SLC24A3: variants seen among roughly 807,000 people sequenced by gnomAD.
SLC24A3 encodes solute carrier family 24 member 3, also known as sodium/potassium/calcium exchanger 3.
A neutral mutation model predicts 75.8 loss-of-function variants in SLC24A3; 28 were observed. The observed-to-expected ratio is 0.37, with a 90% CI of 0.27 to 0.51. The LOEUF is 0.51. Ranked by LOEUF, SLC24A3 falls within the 20% of genes least tolerant of loss-of-function variation. The pLI is 0.94. For missense variants in SLC24A3, 663 were observed against 847.8 expected (o/e 0.78, Z 2.71); for synonymous variants, 372 against 334.1 (o/e 1.11, Z -1.24).
At position 19,270,985 on chromosome 20, in the gene SLC24A3, C is replaced by T. The variant is rs116522385; in HGVS notation, c.143-9974C>T. On this transcript the variant is annotated intron_variant, in intron 1 of 16. Transcript: ENST00000328041. ...GAAGTCCAGCAAGGGCCAGAGGAAG[C>T]GGAGCCTGAGGAGCAGGTGTTGCCT... Among the ~76,000 whole-genome samples the T allele has an allele frequency of 4.1e-3, 625 of 152,258 alleles. 1 individual carries two copies. Among genetic ancestry groups the T allele is most frequent in the African/African-American group, 0.01 (421 of 41,566 alleles).
chr20:19,565,931 A>AGAT (rs1358706189), intron 3 of SLC24A3, among the ~76,000 whole-genome samples: 4 of 152,180 alleles, frequency 2.6e-5, no homozygotes, highest in African/African-American at 9.7e-5. Flanking sequence ...TGTGAATCAG[A>AGAT]GATTCAGCAG....
chr20:19,517,447 A>G (rs1314457337), intron 3 of SLC24A3, among the ~76,000 whole-genome samples: 2 of 152,168 alleles, frequency 1.3e-5, no homozygotes, highest in Non-Finnish European at 2.9e-5. Context: ...TGAGCCCAGG[A>G]TACCCAGGAA....
chr20:19,322,825 C>G (rs1984745144), intron 2 of SLC24A3, among the ~76,000 whole-genome samples: 1 of 152,138 alleles, frequency 6.6e-6, no homozygotes, highest in South Asian at 2.1e-4. Flanking sequence ...ATGAACTCTT[C>G]TTATCAGCTG....
chr20:19,695,086 A>G (rs1048869199), intron 13 of SLC24A3, among the ~76,000 whole-genome samples: 19 of 152,190 alleles, frequency 1.2e-4, no homozygotes, highest in African/African-American at 4.1e-4. Flanking sequence ...AATTCTGTTC[A>G]GTTCTGCTCA....
intron 2 of SLC24A3, among the ~76,000 whole-genome samples, chr20:19,347,716 C>T (rs1029139466): frequency 5.3e-5 from 8 of 152,146 alleles, no homozygotes; most frequent in Non-Finnish European, 1.0e-4. Flanking sequence ...ATGGAAAATA[C>T]TGTGTTTGAG....
intron 1 of SLC24A3, among the ~76,000 whole-genome samples, chr20:19,280,471 A>C (rs1224959184): frequency 6.6e-6 from 1 of 152,090 alleles, no homozygotes; most frequent in African/African-American, 2.4e-5. Context: ...GCCAGCTCTT[A>C]TTGACTCAGT....
Position 19,367,124 on chromosome 20 carries a change from T to C in SLC24A3, c.271+86037T>C, listed in dbSNP as rs183079464. On this transcript the variant is annotated intron_variant, in intron 2 of 16. Transcript: ENST00000328041. ...AGAAGAACTGAATTTTGAATTGTAG[T>C]TAATTTAACTTTAATTCACATTTAC... Among the ~76,000 whole-genome samples, 75 of 152,368 alleles carry C rather than the reference T, an allele frequency of 4.9e-4. 1 individual carries two copies. The highest frequency in any genetic ancestry group is 1.8e-3 in the African/African-American group (74 of 41,584).
chr20:19,461,529 C>CTTTTTTTTTTTTTTTTTTTTTTT (rs11468628), intron 2 of SLC24A3, among the ~76,000 whole-genome samples: 3 of 101,426 alleles, frequency 3.0e-5, no homozygotes, highest in East Asian at 2.8e-4. Flanking sequence ...TCTTTTTTTT[C>CTTTTTTTTTTTTTTTTTTTTTTT]TTTTTTTTTT....
chr20:19,643,562 C>G (rs1466461440), intron 6 of SLC24A3, among the ~76,000 whole-genome samples: 1 of 152,190 alleles, frequency 6.6e-6, no homozygotes. Flanking sequence ...GATTCTATTA[C>G]TGGCTCTCCT....
At chr20:19,386,955 C>T (rs890399667) in intron 2 of SLC24A3, among the ~76,000 whole-genome samples, 1 of 152,038 alleles carries the variant, frequency 6.6e-6, no homozygotes, top group Admixed American at 6.5e-5. Flanking sequence ...TAAAGTTCAC[C>T]CATGAAGCTA....
chr20:19,258,095 G>C (rs939202045), intron 1 of SLC24A3, among the ~76,000 whole-genome samples: 3 of 152,178 alleles, frequency 2.0e-5, no homozygotes, highest in Non-Finnish European at 1.5e-5. Flanking sequence ...TTCCTGTTTG[G>C]AATGCCGTTC....
chr20:19,232,956 C>A (rs146907976), intron 1 of SLC24A3, among the ~76,000 whole-genome samples: 3 of 152,180 alleles, frequency 2.0e-5, no homozygotes, highest in Non-Finnish European at 4.4e-5. Context: ...GAAAATGAAT[C>A]GACTTGGAAA....
At chr20:19,688,843 TATAAC>T (rs1309152914) in intron 12 of SLC24A3, among the ~76,000 whole-genome samples, 4 of 152,324 alleles carry the variant, frequency 2.6e-5, no homozygotes, top group East Asian at 1.9e-4. Flanking sequence ...TTAAGATTGA[TATAAC>T]ATAGTGTTAA....
chr20:19,459,349 G>A (rs6106080), intron 2 of SLC24A3, among the ~76,000 whole-genome samples: 11,810 of 152,094 alleles, frequency 0.078, 879 homozygotes, highest in African/African-American at 0.2. Context: ...TGCAATCTAA[G>A]CCTCCATCAG....
intron 1 of SLC24A3, among the ~76,000 whole-genome samples, chr20:19,224,548 A>AT (rs544722341): frequency 1.1e-3 from 165 of 152,012 alleles, no homozygotes; most frequent in African/African-American, 3.8e-3. Flanking sequence ...TTTGATAATG[A>AT]TTTTTTTTCT....
At chr20:19,492,434 T>G (rs1988222573) in intron 2 of SLC24A3, among the ~76,000 whole-genome samples, 1 of 152,224 alleles carries the variant, frequency 6.6e-6, no homozygotes, top group Non-Finnish European at 1.5e-5. Flanking sequence ...AGACAACGCA[T>G]CTGTAGCCTG....
At chr20:19,634,762 G>A (rs1324848004) in intron 6 of SLC24A3, among the ~76,000 whole-genome samples, 1 of 152,012 alleles carries the variant, frequency 6.6e-6, no homozygotes, top group Non-Finnish European at 1.5e-5. Flanking sequence ...TGATTGACTG[G>A]AAGCCGGGGG....
At chr20:19,653,181 C>G (rs926793987) in intron 6 of SLC24A3, among the ~76,000 whole-genome samples, 1 of 152,210 alleles carries the variant, frequency 6.6e-6, no homozygotes, top group African/African-American at 2.4e-5. Flanking sequence ...ACCCACAGCT[C>G]TTTCCCCTCT....
Position 19,685,359 on chromosome 20 carries a change from C to T in SLC24A3, c.1322C>T (p.Pro441Leu). 2.5e-6 allele frequency: 4 copies of T among 1,613,040 alleles called. No individual in the cohort carries two copies. Among genetic ancestry groups the T allele is most frequent in the Non-Finnish European group, 3.4e-6 (4 of 1,179,226 alleles). Residue 441 changes from proline to leucine, a missense_variant and splice_region_variant, in exon 12 of 17, where the codon CCC becomes CTC. Around this residue, in one of 2 missense-constraint regions of SLC24A3, gnomAD observed 510 missense variants for 703.6 expected, o/e 0.72. Transcript: ENST00000328041. ...GGACCGTACACACCATTCGACACCC[C>T]CTGTAAGAGGTTCTATGTCTGGGCT... ...DEGPYTPFDT[P>L]SGKLETVKWA...
Sources: allele counts gnomAD v4.1 joint callset (sites outside exome capture counted in the v4.1 genomes callset), GRCh38; gene constraint gnomAD v4.1.1; regional missense constraint gnomAD v4.1.1; transcripts MANE v1.5; gene names NCBI Gene and HGNC (gene_info 2026-07-23, HGNC 2026-07-21).